Variants in LGI2 observed in about 807,000 individuals in gnomAD.
LGI2 encodes leucine-rich repeat LGI family member 2.
Under a neutral mutation model 52.0 loss-of-function variants are expected in LGI2, and 30 were observed. The ratio of observed to expected loss-of-function variants is 0.58; its 90% CI spans 0.43 to 0.78. The LOEUF (loss-of-function observed/expected upper bound fraction) is 0.78, where lower values mean the gene tolerates loss of function less well. Among genes scored for constraint, LGI2 ranks in the 30% least tolerant of loss-of-function variants. The probability of loss-of-function intolerance (pLI) is 0.00; values close to 1 mark genes in which losing one functional copy is unlikely to be tolerated. For missense variants in LGI2, 573 were observed against 692.5 expected (o/e 0.83, Z 1.94); for synonymous variants, 270 against 271.8 (o/e 0.99, Z 0.06).
In LGI2 at chr4:25,004,114, C is replaced by T; in HGVS notation, c.975G>A (p.Lys325=). 6.2e-7 allele frequency: 1 copy of T among 1,614,164 alleles called. No individual in the cohort carries two copies. The highest frequency in any genetic ancestry group is 8.5e-7 in the Non-Finnish European group (1 of 1,180,042). ...TCTGAAACAGCTCGATGTCATTGGG[C>T]TTGGAAATGCGAGAGACCTCTATGT... ...FQDIEVSRIS[K]PNDIELFQID... is the part of the protein sequence containing the mutation. The change falls in exon 8 of 8, where the codon AAG becomes AAA. Residue 325 remains lysine, a synonymous_variant. Coordinates refer to ENST00000382114, the MANE Select transcript of LGI2 (RefSeq NM_018176.4). This position sits in a 1 kb window ranked among gnomAD's most constrained non-coding sequence, Gnocchi z 4.6.
At chr4:24,996,649 C>A (rs888567045), downstream of LGI2, among the ~76,000 whole-genome samples, 1 of 152,132 alleles carries the variant, frequency 6.6e-6, no homozygotes, top group African/African-American at 2.4e-5. Flanking sequence ...ACCTTGGAAC[C>A]AAACAGGGAG....
At chr4:25,006,654 G>A (rs553738553) in intron 7 of LGI2, among the ~76,000 whole-genome samples, 1 of 152,342 alleles carries the variant, frequency 6.6e-6, no homozygotes, top group South Asian at 2.1e-4. Context: ...TAAGAAGTGT[G>A]TAGGTATGAC....
rs144314653 is a variant in LGI2, at chr4:25,026,916, G to C, written c.293C>G (p.Thr98Arg). Residue 98 changes from threonine (T) to arginine (R), a missense_variant, in exon 3 of 8, where the codon ACG (threonine) becomes AGG (arginine). Physicochemically the swap from Thr to Arg is moderately conservative, Grantham distance 71. Coordinates refer to ENST00000382114, the MANE Select transcript of LGI2 (RefSeq NM_018176.4). ...AGCAAAAGCATCATCCCGGATGATC[G>C]TGAATGAGTTAGAATTCAGCAATCT... ...QLLLLNSNSFTIIRDDAFAGL... is the reference protein window; with the variant it reads ...QLLLLNSNSFRIIRDDAFAGL... The C allele has an allele frequency of 6.2e-7, 1 of 1,613,330 alleles. No homozygotes were observed.
chr4:24,997,392 CT>C (rs1449239277), downstream of LGI2, among the ~76,000 whole-genome samples: 1 of 152,158 alleles, frequency 6.6e-6, no homozygotes, highest in Non-Finnish European at 1.5e-5. Flanking sequence ...GGATTAGTCT[CT>C]GCTTTAATGA....
intron 2 of LGI2, among the ~76,000 whole-genome samples, chr4:25,027,691 A>AG (rs1560295860): frequency 2.6e-5 from 4 of 152,242 alleles, no homozygotes. Flanking sequence ...TTTCTATAGC[A>AG]CATTGCTTGT....
intron 7 of LGI2, among the ~76,000 whole-genome samples, chr4:25,006,239 C>T (rs972914132): frequency 6.7e-6 from 1 of 148,784 alleles, no homozygotes; most frequent in African/African-American, 2.5e-5. Flanking sequence ...CACCTCCCAC[C>T]ATCCCTTATC....
Position 25,004,269 on chromosome 4 carries a change from C to G in LGI2, c.821-1G>C. ...GCCTTACAGCCCACGATGGACTGACCTGTGCTCCAAAATAAAGGAGAGGAC... is the reference window on the plus strand; with the variant it reads ...GCCTTACAGCCCACGATGGACTGACGTGTGCTCCAAAATAAAGGAGAGGAC... On this transcript the variant is annotated splice_acceptor_variant, in intron 7 of 7. Coordinates refer to ENST00000382114, the MANE Select transcript of LGI2 (RefSeq NM_018176.4). LOFTEE classifies it high-confidence loss of function. This position sits in a 1 kb window ranked among gnomAD's most constrained non-coding sequence, Gnocchi z 4.6. The G allele has an allele frequency of 6.2e-7, 1 of 1,607,406 alleles. No individual in the cohort carries two copies. The highest frequency in any genetic ancestry group is 2.2e-5 in the East Asian group (1 of 44,830).
intron 3 of LGI2, among the ~76,000 whole-genome samples, chr4:25,026,029 A>G (rs1203840231): frequency 1.3e-5 from 2 of 152,130 alleles, no homozygotes; most frequent in East Asian, 3.8e-4. Flanking sequence ...CATATTATGT[A>G]TACTCTGGAG....
chr4:25,021,725 A>T (rs1725965310), intron 4 of LGI2, among the ~76,000 whole-genome samples: 1 of 152,012 alleles, frequency 6.6e-6, no homozygotes. Context: ...AGGTCAGGAG[A>T]TTGAGACCAT....
At chr4:25,011,340 C>T (rs1228179798) in intron 7 of LGI2, among the ~76,000 whole-genome samples, 1 of 152,188 alleles carries the variant, frequency 6.6e-6, no homozygotes, top group Non-Finnish European at 1.5e-5. Context: ...GAGCGTTACT[C>T]TCCGGAAGGT....
downstream of LGI2, among the ~76,000 whole-genome samples, chr4:24,997,758 A>G (rs886737364): frequency 6.6e-6 from 1 of 152,222 alleles, no homozygotes; most frequent in Non-Finnish European, 1.5e-5. Flanking sequence ...CCTCTCTTTG[A>G]GGACACAAAC....
chr4:25,029,620 T>C (rs1158426203), intron 1 of LGI2, among the ~76,000 whole-genome samples: 2 of 152,206 alleles, frequency 1.3e-5, no homozygotes, highest in African/African-American at 4.8e-5. Flanking sequence ...TTGTGAGAGC[T>C]GGTCATTTGG....
intron 4 of LGI2, among the ~76,000 whole-genome samples, chr4:25,024,195 G>A (rs1402593441): frequency 6.6e-6 from 1 of 152,176 alleles, no homozygotes; most frequent in Non-Finnish European, 1.5e-5. Context: ...TGTGCCTGGT[G>A]CCAAGCAGGT....
intron 6 of LGI2, among the ~76,000 whole-genome samples, chr4:25,015,065 C>A (rs1040123348): frequency 6.6e-6 from 1 of 152,232 alleles, no homozygotes; most frequent in Non-Finnish European, 1.5e-5. Context: ...TGGCACTCTG[C>A]AAAAAGAACT....
rs950254565 is a variant in LGI2, at chr4:25,003,242, T to A, written c.*209A>T. 7.1e-5 allele frequency: 33 copies of A among 466,302 alleles called. No homozygotes were observed. Among genetic ancestry groups the A allele is most frequent in the East Asian group, 6.9e-5 (2 of 28,936 alleles). The allele number at this position is 466,302 out of a possible 1,614,324, so 28.9% of individuals were successfully genotyped here. ...AATTACAGGCTTTAAGATTTTTTTT[T>A]AAATGGTAGAATGGGCATGTCATGC... On this transcript the variant is annotated 3_prime_UTR_variant, in exon 8 of 8. Coordinates refer to ENST00000382114, the MANE Select transcript of LGI2 (RefSeq NM_018176.4).
At chr4:25,027,855 G>A (rs1475933886) in intron 2 of LGI2, among the ~76,000 whole-genome samples, 1 of 152,198 alleles carries the variant, frequency 6.6e-6, no homozygotes, top group Non-Finnish European at 1.5e-5. Context: ...GGGTTACAGG[G>A]CACAACATGA....
chr4:25,020,856 G>T (rs6448324), intron 4 of LGI2, among the ~76,000 whole-genome samples: 57,831 of 152,002 alleles, frequency 0.38, 14,006 homozygotes, highest in East Asian at 0.69. Context: ...TTCTAAATGA[G>T]GTATTTGTAC....
chr4:25,006,881 G>T (rs1370327251), intron 7 of LGI2, among the ~76,000 whole-genome samples: 1 of 152,202 alleles, frequency 6.6e-6, no homozygotes, highest in African/African-American at 2.4e-5. Flanking sequence ...TCTATACTCT[G>T]ATACCAAAGA....
chr4:25,030,418 G>T, intron 1 of LGI2, 79 bp downstream of exon 1: 1 of 1,473,012 alleles, frequency 6.8e-7, no homozygotes. Context: ...GCGCTGGCCC[G>T]GCGCCAGAGG....
Sources: gnomAD v4.1 joint callset for allele counts (sites outside exome capture counted in the v4.1 genomes callset) on GRCh38, gnomAD v4.1.1 for gene constraint, Gnocchi (gnomAD v3.1) non-coding constraint, MANE v1.5 for transcripts, NCBI Gene and HGNC (gene_info 2026-07-23, HGNC 2026-07-21) for gene names.